The following TDRP variants were observed in gnomAD, a reference collection of about 807,000 sequenced individuals.
The protein encoded by TDRP is testis development related protein, also known as testis development-related protein.
TDRP carries 12 observed loss-of-function variants against 10.5 expected under a neutral mutation model. That is an observed-to-expected ratio of 1.15 (90% CI 0.73 to 1.86). The LOEUF is 1.86. Among genes scored for constraint, TDRP ranks in the 40% most tolerant of loss-of-function variants. The pLI, the probability that TDRP is intolerant of heterozygous loss-of-function variation, is 0.00. For synonymous variants in TDRP, 139 were observed against 95.4 expected, an observed-to-expected ratio of 1.46 and a Z score of -2.67; for missense variants, 353 against 229.2, an observed-to-expected ratio of 1.54 and a Z score of -3.49.
At position 494,526 on chromosome 8, in the gene TDRP, G is replaced by C; in HGVS notation, c.180C>G (p.Leu60=). The C allele has an allele frequency of 6.2e-7, 1 of 1,613,800 alleles. No homozygotes were observed. ...ACTTGGGAGATTTACATCTTTCCAG[G>C]AGATGCTGCTCATCATCTTTGTTAA... The part of the protein sequence containing the change: ...SLFNKDDEQH[L]LERCKSPKSK... Residue 60 remains leucine (L), a synonymous_variant, in exon 2 of 3, where the codon CTC becomes CTG. Transcript: ENST00000324079.
intron 1 of TDRP, among the ~76,000 whole-genome samples, chr8:524,590 T>C (rs1801988376): frequency 6.6e-6 from 1 of 152,186 alleles, no homozygotes; most frequent in Non-Finnish European, 1.5e-5. Flanking sequence ...GAGATTGAAA[T>C]AAGTGTTCTT....
At chr8:536,227 C>G (rs571067279) in intron 1 of TDRP, among the ~76,000 whole-genome samples, 1 of 152,286 alleles carries the variant, frequency 6.6e-6, no homozygotes, top group South Asian at 2.1e-4. Flanking sequence ...TGGAATTTAC[C>G]TAGCTAATTG....
upstream of TDRP, among the ~76,000 whole-genome samples, chr8:545,430 T>G (rs1217216135): frequency 7.4e-6 from 1 of 135,934 alleles, no homozygotes; most frequent in Non-Finnish European, 1.6e-5. Context: ...GACCCCCACT[T>G]ACTCCCGGAC....
rs374227382 is a variant in TDRP at position 501,078 on chromosome 8, G to A, written c.109-6481C>T. ...AAATTAGCCGGGCGTGATGGCGGGC[G>A]CCTGTAGTCCCAGCTACTCTGGAGG... On this transcript the variant is annotated intron_variant, in intron 1 of 2. Transcript: ENST00000324079. Among the ~76,000 whole-genome samples, 351 of 152,002 alleles carry A rather than the reference G, an allele frequency of 2.3e-3. 1 individual carries two copies. Among genetic ancestry groups the A allele is most frequent in the African/African-American group, 7.2e-3 (298 of 41,508 alleles).
In TDRP at chr8:544,700, C is replaced by T. The variant is rs879427057; in HGVS notation, c.58G>A (p.Gly20Ser). 15 of 1,245,954 alleles carry T rather than the reference C, an allele frequency of 1.2e-5. No homozygotes were observed. The highest frequency in any genetic ancestry group is 1.5e-5 in the Non-Finnish European group (15 of 995,874). 77.2% of individuals were successfully genotyped at this position (1,245,954 alleles called of 1,614,324 possible). A position where few individuals can be genotyped will look rare whatever the true frequency, so the allele number is the denominator to read the frequency against. ...LLDEPPEEED[G>S]LRGGPPPAAA... ...GCCGGTGGCGGCCCCCCACGCAGGC[C>T]GTCCTCCTCCTCGGGGGGCTCGTCC... The change falls in exon 1 of 3, where the codon GGC becomes AGC. Residue 20 changes from glycine (G) to serine (S), a missense_variant. Transcript: ENST00000324079.
Position 507,209 on chromosome 8 carries a change from C to A in TDRP, c.109-12612G>T, listed in dbSNP as rs563432061. On this transcript the variant is annotated intron_variant, in intron 1 of 2. Transcript: ENST00000324079. Reference sequence around the variant, plus strand: ...GTGTAGGGGAGACTGCCCCCATAATCCAATCACTTCCTTCCCTCAACACAT... The same window carrying A: ...GTGTAGGGGAGACTGCCCCCATAATACAATCACTTCCTTCCCTCAACACAT... Among the ~76,000 whole-genome samples, 204 of 152,182 alleles carry A rather than the reference C, an allele frequency of 1.3e-3. 3 individuals are homozygous for A. The highest frequency in any genetic ancestry group is 4.8e-3 in the African/African-American group (199 of 41,516).
chr8:512,350 T>C (rs892057842), intron 1 of TDRP, among the ~76,000 whole-genome samples: 4 of 152,032 alleles, frequency 2.6e-5, no homozygotes, highest in Non-Finnish European at 5.9e-5. Flanking sequence ...GGAGAATCAC[T>C]TGAACCCGGG....
At chr8:503,072 C>G (rs1801349778) in intron 1 of TDRP, among the ~76,000 whole-genome samples, 2 of 151,960 alleles carry the variant, frequency 1.3e-5, no homozygotes, top group African/African-American at 4.8e-5. Flanking sequence ...AACCTGTGCC[C>G]ACCTCAGCAT....
At chr8:536,203 A>T (rs546498236) in intron 1 of TDRP, among the ~76,000 whole-genome samples, 2 of 152,344 alleles carry the variant, frequency 1.3e-5, no homozygotes, top group East Asian at 3.9e-4. Flanking sequence ...CTAAAAGCAC[A>T]CAGTTGAGAC....
intron 1 of TDRP, among the ~76,000 whole-genome samples, chr8:523,342 G>T (rs1801955131): frequency 6.6e-6 from 1 of 152,104 alleles, no homozygotes; most frequent in Non-Finnish European, 1.5e-5. Context: ...AATGGAGGTG[G>T]AGTAAGATGG....
chr8:496,079 T>C (rs1801124613), intron 1 of TDRP, among the ~76,000 whole-genome samples: 1 of 152,158 alleles, frequency 6.6e-6, no homozygotes, highest in Admixed American at 6.5e-5. Flanking sequence ...ACAAAAACCC[T>C]GGGCATCAGG....
intron 1 of TDRP, among the ~76,000 whole-genome samples, chr8:517,412 G>C (rs1584869537): frequency 6.6e-6 from 1 of 152,192 alleles, no homozygotes; most frequent in Non-Finnish European, 1.5e-5. Context: ...TTTAAGGTCT[G>C]CTAAGAGACA....
chr8:532,476 A>C (rs1038233791), intron 1 of TDRP, among the ~76,000 whole-genome samples: 1 of 152,252 alleles, frequency 6.6e-6, no homozygotes, highest in Admixed American at 6.5e-5. Context: ...GGTGAAGACC[A>C]TGAATACAAT....
intron 1 of TDRP, among the ~76,000 whole-genome samples, chr8:543,059 G>A (rs891785429): frequency 1.3e-5 from 2 of 152,156 alleles, no homozygotes; most frequent in African/African-American, 2.4e-5. Flanking sequence ...TGTGATCCTA[G>A]TACCTTGGGA....
chr8:510,449 A>G (rs896258175), intron 1 of TDRP, among the ~76,000 whole-genome samples: 5 of 152,162 alleles, frequency 3.3e-5, no homozygotes, highest in Non-Finnish European at 7.3e-5. Flanking sequence ...TATTATACCA[A>G]CCAAAGACAG....
intron 1 of TDRP, among the ~76,000 whole-genome samples, chr8:514,121 G>T (rs1042682454): frequency 2.0e-5 from 3 of 152,106 alleles, no homozygotes; most frequent in Admixed American, 6.5e-5. Flanking sequence ...AAATAACAGG[G>T]GATTCAAGCC....
rs1358810078 is a variant in TDRP, at chr8:544,631, C to CACCTGCGCACCCCCT, written c.108+4_108+18dup. The stretch of plus-strand genomic sequence containing the variant: ...GCGCCCCCGGCCTACTAGCACTCCC[C>CACCTGCGCACCCCCT]ACCTGCGCACCCCCTCACCTGCGCC... On this transcript the variant is annotated intron_variant, in intron 1 of 2. Transcript: ENST00000324079. The CACCTGCGCACCCCCT allele has an allele frequency of 1.6e-6, 2 of 1,234,396 alleles. No homozygotes were observed. The highest frequency in any genetic ancestry group is 6.4e-5 in the East Asian group (2 of 31,426). The allele number at this position is 1,234,396 out of a possible 1,614,324, so 76.5% of individuals were successfully genotyped here. A position where few individuals can be genotyped will look rare whatever the true frequency, so the allele number is the denominator to read the frequency against.
intron 1 of TDRP, 118 bp from the exon 2 acceptor site, chr8:494,715 T>C: frequency 1.2e-6 from 1 of 849,128 alleles, no homozygotes; most frequent in East Asian, 2.7e-5. Context: ...AGCTTACATC[T>C]TAGCTTTCCA....
chr8:498,159 C>T (rs1455713549), intron 1 of TDRP, among the ~76,000 whole-genome samples: 1 of 152,138 alleles, frequency 6.6e-6, no homozygotes, highest in Non-Finnish European at 1.5e-5. Context: ...GAGAAGAGGG[C>T]CACCGTCTTC....
Sources: gnomAD v4.1 joint callset for allele counts (sites outside exome capture counted in the v4.1 genomes callset) on GRCh38, gnomAD v4.1.1 for gene constraint, MANE v1.5 for transcripts, NCBI Gene and HGNC (gene_info 2026-07-23, HGNC 2026-07-21) for gene names.